Variants in MLLT10 observed in about 807,000 individuals in gnomAD.
MLLT10 encodes the protein protein AF-10.
MLLT10 carries 30 observed loss-of-function variants against 129.1 expected under a neutral mutation model. The observed-to-expected ratio is 0.23, with a 90% CI of 0.17 to 0.32. MLLT10 has a LOEUF of 0.32. MLLT10 is among the 10% of genes least tolerant of loss of function. The probability of loss-of-function intolerance (pLI) is 1.00; values close to 1 mark genes in which losing one functional copy is unlikely to be tolerated. For synonymous variants in MLLT10, 490 were observed against 446.4 expected (o/e 1.10, Z -1.23); for missense variants, 1,119 against 1,268.3 (o/e 0.88, Z 1.79).
intron 6 of MLLT10, among the ~76,000 whole-genome samples, chr10:21,612,786 T>A (rs1268277437): frequency 6.6e-6 from 1 of 152,230 alleles, no homozygotes; most frequent in Non-Finnish European, 1.5e-5. Context: ...AGTGTCTGAA[T>A]ACAAGGATTC....
rs759192963 is a variant in MLLT10, at chr10:21,733,062, A to G, written c.2382A>G (p.Gln794=). The G allele has an allele frequency of 1.2e-6, 2 of 1,611,380 alleles. No homozygotes were observed. Among genetic ancestry groups the G allele is most frequent in the African/African-American group, 1.3e-5 (1 of 74,960 alleles). The part of the protein sequence containing the change: ...TITANPSPSH[Q]IHTFSAQTAP... ...CAGCAAATCCTAGTCCGTCTCATCA[A>G]ATACACACATTTTCAGCACAGACTG... Residue 794 remains glutamine (Q), a synonymous_variant, in exon 18 of 23, where the codon CAA becomes CAG. Coordinates refer to ENST00000307729, the MANE Select transcript of MLLT10 (RefSeq NM_001195626.3).
intron 13 of MLLT10, among the ~76,000 whole-genome samples, chr10:21,690,601 A>G (rs2053756828): frequency 6.6e-6 from 1 of 152,076 alleles, no homozygotes; most frequent in African/African-American, 2.4e-5. Flanking sequence ...TTAAATTCTC[A>G]GTGTCGCCTG....
Position 21,534,480 on chromosome 10 carries a change from A to T in MLLT10, c.-41A>T, listed in dbSNP as rs1175181993. On this transcript the variant is annotated 5_prime_UTR_variant, in exon 1 of 23. Coordinates refer to ENST00000307729, the MANE Select transcript of MLLT10 (RefSeq NM_001195626.3). Reference sequence around the variant, plus strand: ...GGAATCAGCAAGGACATGGCTCCTGACTCCTGTGCGGAACGTGAGTGACTG... The same window carrying T: ...GGAATCAGCAAGGACATGGCTCCTGTCTCCTGTGCGGAACGTGAGTGACTG... The T allele has an allele frequency of 3.2e-6, 2 of 632,628 alleles. No individual in the cohort carries two copies. Among genetic ancestry groups the T allele is most frequent in the Admixed American group, 3.3e-5 (1 of 30,654 alleles). 39.2% of individuals were successfully genotyped at this position (632,628 alleles called of 1,614,324 possible). A position where few individuals can be genotyped will look rare whatever the true frequency, so the allele number is the denominator to read the frequency against.
At chr10:21,723,852 G>A (rs1354523462) in intron 14 of MLLT10, among the ~76,000 whole-genome samples, 1 of 152,100 alleles carries the variant, frequency 6.6e-6, no homozygotes, top group Non-Finnish European at 1.5e-5. Context: ...CTATTTTTAA[G>A]TATTAGGATC....
intron 12 of MLLT10, 82 bp from the exon 13 acceptor site, chr10:21,682,143 C>A: frequency 2.7e-6 from 3 of 1,116,026 alleles, no homozygotes; most frequent in South Asian, 1.5e-5. Flanking sequence ...TTTTATTATA[C>A]TAATTCAGTG....
At chr10:21,629,475 A>C (rs1399507753) in intron 8 of MLLT10, among the ~76,000 whole-genome samples, 1 of 152,148 alleles carries the variant, frequency 6.6e-6, no homozygotes, top group Non-Finnish European at 1.5e-5. Context: ...GGGGGCATGG[A>C]GGCTTTCTAC....
chr10:21,600,845 C>T (rs1371603703), intron 5 of MLLT10, among the ~76,000 whole-genome samples: 1 of 152,150 alleles, frequency 6.6e-6, no homozygotes, highest in Non-Finnish European at 1.5e-5. Context: ...TCTCCCCAAC[C>T]CTAGTTACAC....
chr10:21,731,921 A>AT (rs965821514), intron 17 of MLLT10, among the ~76,000 whole-genome samples: 1 of 152,160 alleles, frequency 6.6e-6, no homozygotes, highest in Non-Finnish European at 1.5e-5. Flanking sequence ...ATAAATTGGT[A>AT]TTTTATGAAT....
chr10:21,685,760 CA>C (rs2053236716), intron 13 of MLLT10, among the ~76,000 whole-genome samples: 1 of 152,128 alleles, frequency 6.6e-6, no homozygotes, highest in Non-Finnish European at 1.5e-5. Flanking sequence ...CTGAAAGAAA[CA>C]AGACAGTCCA....
intron 9 of MLLT10, chr10:21,669,193 G>GTTTT: frequency 1.3e-6 from 1 of 771,814 alleles, no homozygotes; most frequent in South Asian, 2.3e-5. Flanking sequence ...TTGTTTTTAT[G>GTTTT]AAATATTTCT....
At chr10:21,717,480 T>C (rs578137471) in intron 14 of MLLT10, among the ~76,000 whole-genome samples, 145 of 146,998 alleles carry the variant, frequency 9.9e-4, no homozygotes, top group African/African-American at 3.0e-3. Flanking sequence ...TATATTCTTA[T>C]ATTCCTCCTC....
intron 5 of MLLT10, among the ~76,000 whole-genome samples, chr10:21,600,985 C>A (rs1589166091): frequency 6.6e-6 from 1 of 152,228 alleles, no homozygotes; most frequent in Non-Finnish European, 1.5e-5. Context: ...TTGCTGTTGC[C>A]CAGCCTGGAG....
At chr10:21,605,087 A>AG (rs2043926686) in intron 5 of MLLT10, among the ~76,000 whole-genome samples, 1 of 127,326 alleles carries the variant, frequency 7.9e-6, no homozygotes, top group Non-Finnish European at 1.6e-5. Context: ...CCATCTCTTT[A>AG]AAAAAAAAAA....
intron 5 of MLLT10, among the ~76,000 whole-genome samples, chr10:21,608,713 T>C (rs1421953050): frequency 6.6e-6 from 1 of 152,134 alleles, no homozygotes; most frequent in East Asian, 1.9e-4. Flanking sequence ...GAAAAAACCG[T>C]CCGTTAGGTT....
chr10:21,682,541 TA>T (rs2052848890), intron 13 of MLLT10, among the ~76,000 whole-genome samples: 1 of 152,236 alleles, frequency 6.6e-6, no homozygotes, highest in Admixed American at 6.5e-5. Context: ...ATGGTTTTTC[TA>T]GTTCTTTTGA....
At chr10:21,685,748 T>C (rs772597398) in intron 13 of MLLT10, among the ~76,000 whole-genome samples, 88 of 152,196 alleles carry the variant, frequency 5.8e-4, no homozygotes, top group Non-Finnish European at 1.2e-3. Flanking sequence ...CAAGTTACTA[T>C]ACTGAAAGAA....
intron 3 of MLLT10, among the ~76,000 whole-genome samples, chr10:21,546,708 C>A (rs2036136775): frequency 6.6e-6 from 1 of 151,692 alleles, no homozygotes; most frequent in African/African-American, 2.4e-5. Flanking sequence ...GCTGGGCTTG[C>A]AGGTGCCCGC....
chr10:21,733,372 G>A, intron 18 of MLLT10, 132 bp from the exon 19 acceptor site: 1 of 602,242 alleles, frequency 1.7e-6, no homozygotes, highest in Non-Finnish European at 2.7e-6. Context: ...ATCAGTCTTA[G>A]GAATAGCAAG....
At chr10:21,534,072 C>T (rs1178587336), upstream of MLLT10, 1 of 202,772 alleles carries the variant, frequency 4.9e-6, no homozygotes, top group Non-Finnish European at 9.9e-6. Flanking sequence ...CGCCGGCTCC[C>T]CTCGCGCCCA....
Sources: gnomAD v4.1 joint callset for allele counts (sites outside exome capture counted in the v4.1 genomes callset) on GRCh38, gnomAD v4.1.1 for gene constraint, MANE v1.5 for transcripts, NCBI Gene and HGNC (gene_info 2026-07-23, HGNC 2026-07-21) for gene names.